ASAP2: variants seen among roughly 807,000 people sequenced by gnomAD.
The protein encoded by ASAP2 is arf-GAP with SH3 domain, ANK repeat and PH domain-containing protein 2.
ASAP2 carries 45 observed loss-of-function variants against 131.4 expected under a neutral mutation model. That is an observed-to-expected ratio of 0.34 (90% confidence interval 0.27 to 0.44). The LOEUF is 0.44. ASAP2 is among the 20% of genes least tolerant of loss of function. The pLI is 1.00. For synonymous variants in ASAP2, 510 were observed against 503.0 expected (o/e 1.01, Z -0.19); for missense variants, 1,011 against 1,297.0 (o/e 0.78, Z 3.39).
chr2:9,211,957 T>A (rs1463712237), intron 1 of ASAP2, among the ~76,000 whole-genome samples: 1 of 152,234 alleles, frequency 6.6e-6, no homozygotes, highest in Non-Finnish European at 1.5e-5. Context: ...CCTTTTAAAC[T>A]GTGTTCTGAA....
chr2:9,285,245 G>A (rs551023657), intron 2 of ASAP2, among the ~76,000 whole-genome samples: 1 of 152,242 alleles, frequency 6.6e-6, no homozygotes, highest in South Asian at 2.1e-4. Context: ...TAGGGATTGA[G>A]TTTCTGGTTC....
intron 15 of ASAP2, among the ~76,000 whole-genome samples, chr2:9,367,532 G>A (rs1016854608): frequency 6.6e-6 from 1 of 152,108 alleles, no homozygotes; most frequent in Non-Finnish European, 1.5e-5. Flanking sequence ...AGGCTGAGGT[G>A]GCCGGATTGC....
intron 2 of ASAP2, 136 bp downstream of exon 2, chr2:9,279,525 G>A: frequency 1.3e-6 from 1 of 779,180 alleles, no homozygotes; most frequent in Non-Finnish European, 2.1e-6. Flanking sequence ...ACAGAGGTGA[G>A]CTGGGATGTT....
intron 15 of ASAP2, among the ~76,000 whole-genome samples, chr2:9,364,841 T>C (rs1314652818): frequency 6.6e-6 from 1 of 152,224 alleles, no homozygotes; most frequent in Non-Finnish European, 1.5e-5. Context: ...CTCCAGGCAT[T>C]GTTGTAGGTG....
intron 1 of ASAP2, among the ~76,000 whole-genome samples, chr2:9,215,086 C>A (rs1271442218): frequency 6.6e-6 from 1 of 152,222 alleles, no homozygotes; most frequent in Non-Finnish European, 1.5e-5. Context: ...ATGCAGGCAC[C>A]TAGGCTATAT....
intron 1 of ASAP2, among the ~76,000 whole-genome samples, chr2:9,264,368 T>C (rs1370721500): frequency 6.6e-6 from 1 of 152,200 alleles, no homozygotes; most frequent in East Asian, 1.9e-4. Context: ...GCGTCACCAC[T>C]GTCCCCTTCC....
chr2:9,219,957 A>G (rs1005810062), intron 1 of ASAP2, among the ~76,000 whole-genome samples: 2 of 152,276 alleles, frequency 1.3e-5, no homozygotes, highest in South Asian at 2.1e-4. Flanking sequence ...GAATCAAACA[A>G]TATGTGGCCT....
intron 24 of ASAP2, 133 bp from the exon 25 acceptor site, chr2:9,399,890 A>G: frequency 1.2e-6 from 1 of 827,036 alleles, no homozygotes; most frequent in Non-Finnish European, 2.0e-6. Context: ...AAAAAGAGAC[A>G]GCTAAGTGAC....
intron 15 of ASAP2, among the ~76,000 whole-genome samples, chr2:9,362,700 G>A (rs1444781743): frequency 6.6e-6 from 1 of 152,044 alleles, no homozygotes; most frequent in East Asian, 1.9e-4. Context: ...AAACTAGCTG[G>A]GAGTGGTGGC....
chr2:9,292,499 C>T (rs1224148930), intron 2 of ASAP2, among the ~76,000 whole-genome samples: 1 of 152,126 alleles, frequency 6.6e-6, no homozygotes, highest in African/African-American at 2.4e-5. Flanking sequence ...GTCTGGGTGA[C>T]AGAGTGAGAT....
Position 9,389,894 on chromosome 2 carries a change from G to T in ASAP2, c.2384-1168G>T, listed in dbSNP as rs1024306423. Among the ~76,000 whole-genome samples, 1 of 152,166 alleles carries T rather than the reference G, an allele frequency of 6.6e-6. No homozygotes were observed. Among genetic ancestry groups the T allele is most frequent in the African/African-American group, 2.4e-5 (1 of 41,430 alleles). On this transcript the variant is annotated intron_variant, in intron 22 of 27. Transcript: ENST00000281419. The surrounding 1 kb of genome is among the most constrained non-coding windows in gnomAD (Gnocchi z 4.7). The stretch of plus-strand genomic sequence containing the variant: ...CCCAGGCTGGCTGGTCGGGGCCCAG[G>T]GTGGGTGCGGCTTTCTCCCCGCCTC...
At chr2:9,363,191 C>T (rs146230275) in intron 15 of ASAP2, among the ~76,000 whole-genome samples, 92 of 152,212 alleles carry the variant, frequency 6.0e-4, no homozygotes, top group African/African-American at 2.0e-3. Flanking sequence ...AAAATCCATT[C>T]GTCCATTGGT....
At chr2:9,361,176 G>A (rs531893496) in intron 15 of ASAP2, among the ~76,000 whole-genome samples, 1 of 152,216 alleles carries the variant, frequency 6.6e-6, no homozygotes, top group Non-Finnish European at 1.5e-5. Context: ...CTTAATCAAT[G>A]TCTGCAGATA....
intron 18 of ASAP2, 35 bp downstream of exon 18, chr2:9,377,028 T>C: frequency 6.4e-7 from 1 of 1,570,130 alleles, no homozygotes; most frequent in Admixed American, 1.7e-5. Flanking sequence ...GCACTCGTTT[T>C]CTCCTTGGTA....
intron 13 of ASAP2, 41 bp downstream of exon 13, chr2:9,356,136 G>T: frequency 6.2e-7 from 1 of 1,614,120 alleles, no homozygotes; most frequent in Non-Finnish European, 8.5e-7. Flanking sequence ...GGACTCAGCC[G>T]TTGTTTGTGG....
chr2:9,324,056 CA>C (rs1221441666), intron 6 of ASAP2, among the ~76,000 whole-genome samples: 9 of 152,330 alleles, frequency 5.9e-5, no homozygotes, highest in South Asian at 2.1e-4. Flanking sequence ...CATAGCAGTG[CA>C]AACTTAGGTT....
Position 9,263,561 on chromosome 2 carries a change from T to C in ASAP2, c.127-15756T>C, listed in dbSNP as rs574751989. Among the ~76,000 whole-genome samples, 6 of 152,358 alleles carry C rather than the reference T, an allele frequency of 3.9e-5. No individual in the cohort carries two copies. In the South Asian group the frequency reaches 1.2e-3, roughly 32 times the overall value. On this transcript the variant is annotated intron_variant, in intron 1 of 27. Transcript: ENST00000281419. ...TGGAGTTTACTGTCATCTGTTTCCGTTTCTCTAAGATAGGGATCCTGGCGA... is the reference window on the plus strand; with the variant it reads ...TGGAGTTTACTGTCATCTGTTTCCGCTTCTCTAAGATAGGGATCCTGGCGA...
intron 12 of ASAP2, among the ~76,000 whole-genome samples, chr2:9,355,612 G>A (rs932099144): frequency 2.6e-5 from 4 of 152,170 alleles, no homozygotes; most frequent in African/African-American, 9.7e-5. Context: ...GATTCTCAAA[G>A]CATATTATTC....
intron 1 of ASAP2, among the ~76,000 whole-genome samples, chr2:9,208,077 C>A (rs1019947100): frequency 5.3e-5 from 8 of 152,272 alleles, no homozygotes; most frequent in African/African-American, 1.9e-4. Context: ...CAGGGGCCAC[C>A]GTTGGCTGTG....
Sources: gnomAD v4.1 joint callset for allele counts (sites outside exome capture counted in the v4.1 genomes callset) on GRCh38, gnomAD v4.1.1 for gene constraint, Gnocchi (gnomAD v3.1) non-coding constraint, MANE v1.5 for transcripts, NCBI Gene and HGNC (gene_info 2026-07-23, HGNC 2026-07-21) for gene names.